The following GRM8 variants were observed in gnomAD, a reference collection of about 807,000 sequenced individuals.
GRM8 encodes the protein metabotropic glutamate receptor 8.
In GRM8, 47 loss-of-function variants were observed where a neutral mutation model predicts 87.2. That is an observed-to-expected ratio of 0.54 (90% CI 0.43 to 0.69). The LOEUF is 0.69. GRM8 is among the 30% of genes least tolerant of loss of function. GRM8 has a pLI of 0.00. For missense variants in GRM8, 1,019 were observed against 1,139.2 expected, an observed-to-expected ratio of 0.89 and a Z score of 1.52; for synonymous variants, 396 against 404.5, an observed-to-expected ratio of 0.98 and a Z score of 0.25.
At chr7:126,542,872 G>T (rs1022218512) in intron 8 of GRM8, among the ~76,000 whole-genome samples, 1 of 152,220 alleles carries the variant, frequency 6.6e-6, no homozygotes, top group African/African-American at 2.4e-5. Flanking sequence ...GTCAGGCAAA[G>T]CAAGACTTTG....
intron 7 of GRM8, among the ~76,000 whole-genome samples, chr7:126,640,244 T>G (rs758635787): frequency 6.6e-6 from 1 of 152,156 alleles, no homozygotes; most frequent in Non-Finnish European, 1.5e-5. Flanking sequence ...TGGCTGGAGT[T>G]CTAGTTCATG....
chr7:126,578,578 G>A (rs1795315088), intron 8 of GRM8, among the ~76,000 whole-genome samples: 1 of 152,092 alleles, frequency 6.6e-6, no homozygotes, highest in African/African-American at 2.4e-5. Context: ...GAGAGTCTGG[G>A]CAGTTTAGGG....
intron 9 of GRM8, among the ~76,000 whole-genome samples, chr7:126,523,987 A>G (rs935162809): frequency 1.3e-5 from 2 of 152,190 alleles, no homozygotes; most frequent in African/African-American, 4.8e-5. Flanking sequence ...TTCAAAAAGC[A>G]ATTACTATAT....
chr7:126,473,159 C>A (rs1287759782), intron 9 of GRM8, among the ~76,000 whole-genome samples: 1 of 152,124 alleles, frequency 6.6e-6, no homozygotes, highest in Non-Finnish European at 1.5e-5. Flanking sequence ...GTCCTCCAGA[C>A]CCCAGAATGG....
chr7:126,814,814 G>C (rs1408830055), intron 6 of GRM8, among the ~76,000 whole-genome samples: 1 of 150,406 alleles, frequency 6.6e-6, no homozygotes, highest in Non-Finnish European at 1.5e-5. Flanking sequence ...CTGCTGTATA[G>C]GTCAACCAGA....
intron 3 of GRM8, among the ~76,000 whole-genome samples, chr7:127,001,955 T>A (rs1312163313): frequency 2.0e-5 from 3 of 151,682 alleles, no homozygotes; most frequent in African/African-American, 7.3e-5. Context: ...ACTGTATCAT[T>A]CCATTTATAT....
intron 6 of GRM8, among the ~76,000 whole-genome samples, chr7:126,884,443 ACT>A (rs1452835941): frequency 6.6e-6 from 1 of 152,024 alleles, no homozygotes; most frequent in Non-Finnish European, 1.5e-5. Context: ...GCTTAAATAA[ACT>A]CTTTCATCTT....
Position 126,829,049 on chromosome 7 carries a change from G to A in GRM8, c.1157-58984C>T, listed in dbSNP as rs549031685. 7.3e-4 allele frequency among the ~76,000 whole-genome samples: 111 copies of A among 152,172 alleles called. 1 individual carries two copies. In the South Asian group the frequency reaches 0.014, roughly 19 times the overall value. Reference sequence around the variant, plus strand: ...CTTAATCCTGAGTTCTAGTATGATCGCACTGTGGTCTGAGAGATAGTTTGT... The same window carrying A: ...CTTAATCCTGAGTTCTAGTATGATCACACTGTGGTCTGAGAGATAGTTTGT... On this transcript the variant is annotated intron_variant, in intron 6 of 10. Transcript: ENST00000339582.
At chr7:126,505,143 A>T (rs1810255208) in intron 9 of GRM8, among the ~76,000 whole-genome samples, 1 of 152,034 alleles carries the variant, frequency 6.6e-6, no homozygotes, top group Admixed American at 6.6e-5. Flanking sequence ...TAGGACTAAA[A>T]TGGATTTGGT....
At chr7:127,078,053 A>G (rs1387436651) in intron 3 of GRM8, among the ~76,000 whole-genome samples, 4 of 152,272 alleles carry the variant, frequency 2.6e-5, no homozygotes, top group Non-Finnish European at 4.4e-5. Flanking sequence ...AGAAGGCTGT[A>G]GGTTGGGAAA....
At chr7:127,140,814 C>T (rs1015551473) in intron 2 of GRM8, among the ~76,000 whole-genome samples, 4 of 152,184 alleles carry the variant, frequency 2.6e-5, no homozygotes, top group African/African-American at 7.2e-5. Context: ...TTGTGACTCA[C>T]TTTTGAAAGC....
At chr7:127,217,919 C>T (rs11563682) in intron 2 of GRM8, among the ~76,000 whole-genome samples, 22,747 of 152,086 alleles carry the variant, frequency 0.15, 2,155 homozygotes, top group Non-Finnish European at 0.2. Flanking sequence ...TTGCACATGC[C>T]GCCTCTGGCC....
intron 3 of GRM8, among the ~76,000 whole-genome samples, chr7:127,022,424 T>C (rs193092870): frequency 1.3e-5 from 2 of 152,182 alleles, no homozygotes; most frequent in African/African-American, 4.8e-5. Context: ...TTTTTAAATT[T>C]AATGACTATA....
At chr7:126,881,796 C>T (rs1179498747) in intron 6 of GRM8, among the ~76,000 whole-genome samples, 1 of 152,046 alleles carries the variant, frequency 6.6e-6, no homozygotes, top group African/African-American at 2.4e-5. Flanking sequence ...CCTGGACATC[C>T]AATGAAAAAC....
chr7:127,182,714 C>T (rs1298890962), intron 2 of GRM8, among the ~76,000 whole-genome samples: 1 of 144,962 alleles, frequency 6.9e-6, no homozygotes, highest in Non-Finnish European at 1.5e-5. Context: ...TACTATGCAG[C>T]CATAAAAATG....
intron 8 of GRM8, among the ~76,000 whole-genome samples, chr7:126,568,714 C>G (rs1394588911): frequency 1.3e-5 from 2 of 152,032 alleles, no homozygotes; most frequent in Admixed American, 1.3e-4. Flanking sequence ...AAATATTGAT[C>G]AAGCTACAAA....
chr7:126,632,121 C>T (rs1011289801), intron 7 of GRM8, among the ~76,000 whole-genome samples: 3 of 152,090 alleles, frequency 2.0e-5, no homozygotes, highest in Non-Finnish European at 4.4e-5. Context: ...AAAATTTTTG[C>T]AATCTATCCA....
At chr7:126,661,412 A>T (rs1805154511) in intron 7 of GRM8, among the ~76,000 whole-genome samples, 1 of 152,158 alleles carries the variant, frequency 6.6e-6, no homozygotes, top group Non-Finnish European at 1.5e-5. Context: ...GTTTTAAAAA[A>T]CTCAGGTTTC....
At chr7:126,869,036 C>G (rs992289510) in intron 6 of GRM8, 2 of 152,196 alleles carry the variant, frequency 1.3e-5, no homozygotes, top group African/African-American at 4.8e-5. Context: ...ACTGCTTTAT[C>G]AACTAAGTTT....
Sources: gnomAD v4.1 joint callset for allele counts (sites outside exome capture counted in the v4.1 genomes callset) on GRCh38, gnomAD v4.1.1 for gene constraint, MANE v1.5 for transcripts, NCBI Gene and HGNC (gene_info 2026-07-23, HGNC 2026-07-21) for gene names.